The following LRRC4C variants were observed in gnomAD, a reference collection of about 807,000 sequenced individuals.
LRRC4C encodes leucine rich repeat containing 4C.
Under a neutral mutation model 33.6 loss-of-function variants are expected in LRRC4C, and 5 were observed. The ratio of observed to expected loss-of-function variants is 0.15; its 90% CI spans 0.08 to 0.31. The LOEUF (loss-of-function observed/expected upper bound fraction) is 0.31, where lower values mean the gene tolerates loss of function less well. LRRC4C is among the 10% of genes least tolerant of loss of function. LRRC4C has a pLI of 1.00. For missense variants in LRRC4C, 560 were observed against 796.7 expected (o/e 0.70, Z 3.58); for synonymous variants, 329 against 302.0 (o/e 1.09, Z -0.93).
chr11:40,467,911 A>G (rs936416660), intron 3 of LRRC4C, among the ~76,000 whole-genome samples: 5 of 152,114 alleles, frequency 3.3e-5, no homozygotes, highest in Admixed American at 3.3e-4. Context: ...GTTTTGTTTT[A>G]TTGACTGATG....
rs571755194 is a variant in LRRC4C at position 41,095,989 on chromosome 11, G to A, written c.-495-162266C>T. On this transcript the variant is annotated intron_variant, in intron 1 of 6. Coordinates refer to ENST00000528697, the MANE Select transcript of LRRC4C (RefSeq NM_001258419.2). Reference sequence around the variant, plus strand: ...GTTATTCACTCAACACTGAATGAGAGCCTACTAAGTTTAGTAGTATTAAGT... The same window carrying A: ...GTTATTCACTCAACACTGAATGAGAACCTACTAAGTTTAGTAGTATTAAGT... Among the ~76,000 whole-genome samples, 10 of 152,184 alleles carry A rather than the reference G, an allele frequency of 6.6e-5. 1 individual carries two copies. The South Asian group carries it at 1.9e-3, about 28-fold the overall frequency.
intron 3 of LRRC4C, among the ~76,000 whole-genome samples, chr11:40,528,982 G>A (rs1241865820): frequency 6.6e-6 from 1 of 152,142 alleles, no homozygotes. Context: ...CCAGTGTCAG[G>A]GGAGAGGGAG....
At chr11:40,123,503 A>T (rs566962757) in intron 6 of LRRC4C, among the ~76,000 whole-genome samples, 1 of 152,268 alleles carries the variant, frequency 6.6e-6, no homozygotes, top group South Asian at 2.1e-4. Flanking sequence ...ATAGCTATAA[A>T]TACAATAAAA....
intron 3 of LRRC4C, among the ~76,000 whole-genome samples, chr11:40,372,831 G>C (rs2137273591): frequency 6.6e-6 from 1 of 152,312 alleles, no homozygotes; most frequent in South Asian, 2.1e-4. Flanking sequence ...TGGTGGAATT[G>C]AATATCTGGC....
intron 2 of LRRC4C, among the ~76,000 whole-genome samples, chr11:40,880,893 A>C (rs185252519): frequency 6.6e-6 from 1 of 151,130 alleles, no homozygotes; most frequent in Admixed American, 6.6e-5. Flanking sequence ...GTATACACAT[A>C]TATTTTTCTT....
At chr11:40,569,160 T>G (rs987934617) in intron 3 of LRRC4C, among the ~76,000 whole-genome samples, 1 of 152,148 alleles carries the variant, frequency 6.6e-6, no homozygotes, top group African/African-American at 2.4e-5. Flanking sequence ...TCCACACCTT[T>G]CAGGCCTTAC....
At position 40,576,408 on chromosome 11, in the gene LRRC4C, A is replaced by T. The variant is rs1251228127; in HGVS notation, c.-270+71734T>A. Among the ~76,000 whole-genome samples, 5 of 152,288 alleles carry T rather than the reference A, an allele frequency of 3.3e-5. No individual in the cohort carries two copies. The South Asian group carries it at 1.0e-3, about 32-fold the overall frequency. On this transcript the variant is annotated intron_variant, in intron 3 of 6. Coordinates refer to ENST00000528697, the MANE Select transcript of LRRC4C (RefSeq NM_001258419.2). ...TTCCTTTTTATAATTTTTAGCCTGG[A>T]CTTGGCCTATAGCCTTGTACTTTCT...
chr11:40,242,853 C>A (rs1218045071), intron 4 of LRRC4C, among the ~76,000 whole-genome samples: 3 of 151,706 alleles, frequency 2.0e-5, no homozygotes, highest in Non-Finnish European at 4.4e-5. Flanking sequence ...CTTGAACAAC[C>A]CAAGTGTTCA....
At chr11:40,604,210 C>T (rs1960323446) in intron 3 of LRRC4C, among the ~76,000 whole-genome samples, 1 of 152,004 alleles carries the variant, frequency 6.6e-6, no homozygotes, top group South Asian at 2.1e-4. Flanking sequence ...TTGCCTAAAA[C>T]TTTTTCACTA....
At chr11:40,463,918 T>C (rs1462455318) in intron 3 of LRRC4C, among the ~76,000 whole-genome samples, 1 of 152,078 alleles carries the variant, frequency 6.6e-6, no homozygotes, top group Non-Finnish European at 1.5e-5. Flanking sequence ...ATTATCCCTG[T>C]TGTAAAATAT....
chr11:41,054,739 G>T (rs549471524), intron 1 of LRRC4C, among the ~76,000 whole-genome samples: 1 of 152,150 alleles, frequency 6.6e-6, no homozygotes, highest in Non-Finnish European at 1.5e-5. Context: ...AGGCTGTAAG[G>T]ATCCAGCTGT....
intron 3 of LRRC4C, among the ~76,000 whole-genome samples, chr11:40,610,259 GA>G (rs1961070105): frequency 6.6e-6 from 1 of 151,648 alleles, no homozygotes; most frequent in Non-Finnish European, 1.5e-5. Flanking sequence ...TATACCATAT[GA>G]ACTAAACGAA....
intron 1 of LRRC4C, among the ~76,000 whole-genome samples, chr11:40,972,712 A>G (rs1004220463): frequency 6.6e-6 from 1 of 152,112 alleles, no homozygotes; most frequent in Non-Finnish European, 1.5e-5. Context: ...AGATCTCATG[A>G]AAACTCACTC....
chr11:40,645,167 C>A lies in LRRC4C; in HGVS notation c.-270+2975G>T, dbSNP rs1261646505. ...ATAGAATTCTGACATAAACCTCAAT[C>A]TAATGCCACCTGACTAAATCAGGAA... On this transcript the variant is annotated intron_variant, in intron 3 of 6. Coordinates refer to ENST00000528697, the MANE Select transcript of LRRC4C (RefSeq NM_001258419.2). Among the ~76,000 whole-genome samples the A allele has an allele frequency of 5.3e-5, 8 of 152,240 alleles. No individual in the cohort carries two copies. In the East Asian group the frequency reaches 1.5e-3, roughly 29 times the overall value.
chr11:40,501,538 C>T (rs1027918747), intron 3 of LRRC4C, among the ~76,000 whole-genome samples: 9 of 152,236 alleles, frequency 5.9e-5, no homozygotes, highest in Non-Finnish European at 8.8e-5. Flanking sequence ...GCAGGCTCAA[C>T]ACCACATGAA....
chr11:40,371,237 AT>A (rs1948435874), intron 3 of LRRC4C, among the ~76,000 whole-genome samples: 1 of 152,228 alleles, frequency 6.6e-6, no homozygotes, highest in Non-Finnish European at 1.5e-5. Flanking sequence ...ATTAAAAAAA[AT>A]ACAAGCAATT....
chr11:41,074,015 C>T (rs1013018885), intron 1 of LRRC4C, among the ~76,000 whole-genome samples: 1 of 152,084 alleles, frequency 6.6e-6, no homozygotes, highest in South Asian at 2.1e-4. Flanking sequence ...TGGTATTATT[C>T]AAGAAATGCT....
intron 1 of LRRC4C, among the ~76,000 whole-genome samples, chr11:41,372,147 TAAAAA>T (rs1362716321): frequency 1.1e-4 from 16 of 151,986 alleles, no homozygotes; most frequent in African/African-American, 3.9e-4. Flanking sequence ...TCCGTCTCAA[TAAAAA>T]AATAAAATAA....
intron 2 of LRRC4C, among the ~76,000 whole-genome samples, chr11:40,710,109 T>C (rs1161149422): frequency 6.6e-6 from 1 of 152,184 alleles, no homozygotes; most frequent in Non-Finnish European, 1.5e-5. Flanking sequence ...TTCAAGGTTT[T>C]TAGCTTCTTT....
Sources: allele counts gnomAD v4.1 joint callset (sites outside exome capture counted in the v4.1 genomes callset), GRCh38; gene constraint gnomAD v4.1.1; transcripts MANE v1.5; gene names NCBI Gene and HGNC (gene_info 2026-07-23, HGNC 2026-07-21).